CDIN1: variants seen among roughly 807,000 people sequenced by gnomAD.
The protein encoded by CDIN1 is CDAN1-interacting nuclease 1.
Under a neutral mutation model 45.3 loss-of-function variants are expected in CDIN1, and 33 were observed. That is an observed-to-expected ratio of 0.73 (90% CI 0.55 to 0.97). The LOEUF is 0.97. Among genes scored for constraint, CDIN1 ranks in the 50% least tolerant of loss-of-function variants. The pLI is 0.00. For missense variants in CDIN1, 303 were observed against 339.4 expected, an observed-to-expected ratio of 0.89 and a Z score of 0.84; for synonymous variants, 118 against 124.4, an observed-to-expected ratio of 0.95 and a Z score of 0.34.
chr15:36,747,363 G>A (rs368935523), intron 10 of CDIN1: 4 of 183,698 alleles, frequency 2.2e-5, no homozygotes, highest in Admixed American at 6.2e-5. Context: ...GCGGCTGTTG[G>A]ACGGCTTCAG....
intron 7 of CDIN1, among the ~76,000 whole-genome samples, chr15:36,696,914 C>A (rs961479320): frequency 1.4e-5 from 2 of 146,104 alleles, no homozygotes; most frequent in Admixed American, 1.4e-4. Context: ...GAGTTTGAGA[C>A]CAGCCTGAGC....
At chr15:36,686,599 G>C (rs1016264618) in intron 5 of CDIN1, among the ~76,000 whole-genome samples, 2 of 151,094 alleles carry the variant, frequency 1.3e-5, no homozygotes, top group African/African-American at 4.9e-5. Flanking sequence ...CATCATAGAG[G>C]CCAGGCACGG....
intron 1 of CDIN1, among the ~76,000 whole-genome samples, chr15:36,584,822 T>C (rs1224938242): frequency 1.3e-5 from 2 of 152,172 alleles, no homozygotes; most frequent in African/African-American, 4.8e-5. Context: ...CAGGAGAACA[T>C]GCAAACTCCA....
chr15:36,773,395 G>A (rs2054130026), intron 10 of CDIN1, among the ~76,000 whole-genome samples: 1 of 152,284 alleles, frequency 6.6e-6, no homozygotes, highest in South Asian at 2.1e-4. Context: ...ATTCAACACT[G>A]GAAATGTGGC....
intron 1 of CDIN1, among the ~76,000 whole-genome samples, chr15:36,582,416 T>C (rs956264879): frequency 2.0e-5 from 3 of 152,192 alleles, no homozygotes; most frequent in Non-Finnish European, 4.4e-5. Flanking sequence ...GAATATTCTT[T>C]AGTGAAAGTC....
intron 1 of CDIN1, chr15:36,617,100 C>T (rs1324397789): frequency 1.9e-5 from 16 of 839,012 alleles, no homozygotes; most frequent in South Asian, 9.3e-5. Flanking sequence ...TGTTGTTTTT[C>T]GTGGAGCAGG....
chr15:36,748,036 C>T (rs1202600228), intron 10 of CDIN1, among the ~76,000 whole-genome samples: 3 of 152,172 alleles, frequency 2.0e-5, no homozygotes, highest in African/African-American at 4.8e-5. Context: ...AGAAAGGGCA[C>T]AGGTCTGGGG....
At chr15:36,583,702 A>G (rs2037154179) in intron 1 of CDIN1, among the ~76,000 whole-genome samples, 1 of 152,160 alleles carries the variant, frequency 6.6e-6, no homozygotes, top group Non-Finnish European at 1.5e-5. Context: ...TCTGGTCATA[A>G]TAACATCACC....
intron 10 of CDIN1, among the ~76,000 whole-genome samples, chr15:36,787,510 A>T (rs1158956058): frequency 6.6e-6 from 1 of 152,208 alleles, no homozygotes; most frequent in Non-Finnish European, 1.5e-5. Context: ...TCACTTGTAT[A>T]CAGTTTATTC....
intron 10 of CDIN1, among the ~76,000 whole-genome samples, chr15:36,769,581 TG>T (rs1173172713): frequency 6.6e-6 from 1 of 152,214 alleles, no homozygotes; most frequent in Non-Finnish European, 1.5e-5. Flanking sequence ...GATTAGCATT[TG>T]GTTAAATAAC....
At chr15:36,759,633 T>A (rs2053704833) in intron 10 of CDIN1, among the ~76,000 whole-genome samples, 1 of 152,182 alleles carries the variant, frequency 6.6e-6, no homozygotes. Context: ...TTGTTAACAA[T>A]AGTCTGTTCT....
intron 10 of CDIN1, among the ~76,000 whole-genome samples, chr15:36,800,909 G>GTGTGTA (rs1156514805): frequency 1.1e-3 from 25 of 22,378 alleles, no homozygotes; most frequent in South Asian, 4.3e-3. Context: ...GTGTGTGTGT[G>GTGTGTA]TATATATATA....
At chr15:36,781,446 C>G (rs931984948) in intron 10 of CDIN1, among the ~76,000 whole-genome samples, 2 of 152,206 alleles carry the variant, frequency 1.3e-5, no homozygotes, top group African/African-American at 4.8e-5. Flanking sequence ...CAGGGTCACA[C>G]TTGGAGCCTG....
intron 7 of CDIN1, among the ~76,000 whole-genome samples, chr15:36,695,227 G>A (rs1054888120): frequency 1.3e-5 from 2 of 151,874 alleles, no homozygotes; most frequent in African/African-American, 2.4e-5. Context: ...AATAAATAAC[G>A]AAGTTTTATT....
At chr15:36,700,729 G>C (rs1392210294) in intron 8 of CDIN1, among the ~76,000 whole-genome samples, 1 of 151,606 alleles carries the variant, frequency 6.6e-6, no homozygotes, top group Non-Finnish European at 1.5e-5. Flanking sequence ...TGCAAACGTG[G>C]AGCCTTCTGG....
chr15:36,764,593 C>A (rs2053862353), intron 10 of CDIN1, among the ~76,000 whole-genome samples: 1 of 152,200 alleles, frequency 6.6e-6, no homozygotes, highest in Admixed American at 6.5e-5. Context: ...GCATCCAGAA[C>A]AAGCTTTTTC....
At chr15:36,630,688 C>T (rs2039642283) in intron 1 of CDIN1, among the ~76,000 whole-genome samples, 2 of 152,154 alleles carry the variant, frequency 1.3e-5, no homozygotes. Flanking sequence ...CTTTACTTGG[C>T]TCACAGTTCT....
chr15:36,686,315 AAAAC>A (rs1439817574), intron 5 of CDIN1, among the ~76,000 whole-genome samples: 1 of 150,268 alleles, frequency 6.7e-6, no homozygotes, highest in Non-Finnish European at 1.5e-5. Context: ...CAAGAACAAA[AAAAC>A]AAACACCGCA....
chr15:36,771,368 C>CA (rs1459070869), intron 10 of CDIN1, among the ~76,000 whole-genome samples: 3 of 151,812 alleles, frequency 2.0e-5, no homozygotes, highest in African/African-American at 7.3e-5. Flanking sequence ...TAAAAAACAA[C>CA]AAAAAAAGAA....
Sources: allele counts gnomAD v4.1 joint callset (sites outside exome capture counted in the v4.1 genomes callset), GRCh38; gene constraint gnomAD v4.1.1; transcripts MANE v1.5; gene names NCBI Gene and HGNC (gene_info 2026-07-23, HGNC 2026-07-21).